Variants in DAB1 observed in about 807,000 individuals in gnomAD.
The protein encoded by DAB1 is DAB adaptor protein 1, also known as disabled homolog 1.
In DAB1, 15 loss-of-function variants were observed where a neutral mutation model predicts 64.6. That is an observed-to-expected ratio of 0.23 (90% CI 0.16 to 0.36). DAB1 has a LOEUF of 0.36. DAB1 is among the 10% of genes least tolerant of loss of function. The pLI is 1.00. For missense variants in DAB1, 596 were observed against 706.7 expected (o/e 0.84, Z 1.78); for synonymous variants, 235 against 251.9 (o/e 0.93, Z 0.64).
At chr1:57,734,341 C>T (rs1647580411) in intron 6 of DAB1, among the ~76,000 whole-genome samples, 1 of 152,174 alleles carries the variant, frequency 6.6e-6, no homozygotes, top group Admixed American at 6.5e-5. Context: ...CTTAGGCAAA[C>T]CTCTTAAGCT....
rs530013726 is a variant in DAB1, at chr1:58,531,957, T to C, written n.33-4622A>G. Among the ~76,000 whole-genome samples the C allele has an allele frequency of 4.8e-4, 73 of 152,196 alleles. 1 individual carries two copies. In the South Asian group the frequency reaches 0.015, roughly 31 times the overall value. On this transcript the variant is annotated intron_variant and non_coding_transcript_variant, in intron 1 of 20. Transcript: ENST00000485760. Reference sequence around the variant, plus strand: ...CTCCTGACCTCATGATCCACCCACCTCAGCCTCCCAAAGTGCTGGGATTAC... The same window carrying C: ...CTCCTGACCTCATGATCCACCCACCCCAGCCTCCCAAAGTGCTGGGATTAC...
At chr1:58,487,090 C>T (rs1050269948) in intron 3 of DAB1, among the ~76,000 whole-genome samples, 12 of 152,132 alleles carry the variant, frequency 7.9e-5, no homozygotes, top group Non-Finnish European at 1.0e-4. Context: ...TGAGGTGAAA[C>T]GTGACATCGT....
At chr1:57,049,539 T>C (rs1254007912) in intron 9 of DAB1, among the ~76,000 whole-genome samples, 1 of 139,118 alleles carries the variant, frequency 7.2e-6, no homozygotes, top group African/African-American at 2.7e-5. Context: ...GGAGACAGGG[T>C]GCTTGGTCCC....
chr1:57,842,761 C>T (rs926922487), intron 1 of DAB1, among the ~76,000 whole-genome samples: 13 of 152,208 alleles, frequency 8.5e-5, no homozygotes, highest in African/African-American at 1.9e-4. Flanking sequence ...CCAATCACCT[C>T]CCACCAGGTC....
intron 4 of DAB1, among the ~76,000 whole-genome samples, chr1:58,180,593 C>G (rs903197413): frequency 6.6e-6 from 1 of 152,004 alleles, no homozygotes; most frequent in Non-Finnish European, 1.5e-5. Flanking sequence ...CTGTGCCTGG[C>G]CTCCTTTATT....
At chr1:58,465,081 G>A (rs1645281217) in intron 3 of DAB1, among the ~76,000 whole-genome samples, 1 of 152,238 alleles carries the variant, frequency 6.6e-6, no homozygotes, top group Admixed American at 6.5e-5. Context: ...GTTATTGGCT[G>A]AGTTGCTGTT....
At chr1:57,694,707 T>C (rs1016997432) in intron 6 of DAB1, among the ~76,000 whole-genome samples, 1 of 152,140 alleles carries the variant, frequency 6.6e-6, no homozygotes, top group African/African-American at 2.4e-5. Flanking sequence ...ATTTTTATTT[T>C]GGGACATTCC....
chr1:57,605,869 T>C, intron 7 of DAB1: 1 of 611,910 alleles, frequency 1.6e-6, no homozygotes, highest in South Asian at 1.5e-5. Context: ...AACGGTGACT[T>C]CCACTTCAAC....
chr1:57,579,012 GA>G (rs1645282422), intron 7 of DAB1, among the ~76,000 whole-genome samples: 1 of 152,086 alleles, frequency 6.6e-6, no homozygotes, highest in Admixed American at 6.5e-5. Context: ...TCCAAATAAA[GA>G]AAAACTAGCA....
intron 3 of DAB1, among the ~76,000 whole-genome samples, chr1:58,370,179 A>G (rs577637017): frequency 1.3e-5 from 2 of 152,340 alleles, no homozygotes; most frequent in African/African-American, 4.8e-5. Context: ...ACGGATTTTT[A>G]AAATTTGGTG....
chr1:57,804,134 C>T (rs1467073950), intron 6 of DAB1, among the ~76,000 whole-genome samples: 2 of 152,156 alleles, frequency 1.3e-5, no homozygotes, highest in Admixed American at 6.5e-5. Flanking sequence ...ATATGTATTA[C>T]AGACATTCCC....
chr1:57,667,516 T>TCTA (rs1381510270), intron 6 of DAB1, among the ~76,000 whole-genome samples: 1 of 152,132 alleles, frequency 6.6e-6, no homozygotes, highest in East Asian at 1.9e-4. Context: ...TTTCTATGTT[T>TCTA]TGTGTACTGC....
At chr1:57,874,598 G>A (rs1031718907) in intron 1 of DAB1, among the ~76,000 whole-genome samples, 2 of 152,220 alleles carry the variant, frequency 1.3e-5, no homozygotes, top group African/African-American at 4.8e-5. Context: ...TCAAACAGAG[G>A]AAGAAACAGC....
At chr1:58,115,104 T>C (rs951603314) in intron 5 of DAB1, among the ~76,000 whole-genome samples, 1 of 138,962 alleles carries the variant, frequency 7.2e-6, no homozygotes, top group African/African-American at 2.8e-5. Flanking sequence ...AAAGGGCTAA[T>C]ATCCAGAATC....
chr1:57,376,848 T>C (rs1680936288), intron 1 of DAB1, among the ~76,000 whole-genome samples: 1 of 152,234 alleles, frequency 6.6e-6, no homozygotes, highest in Admixed American at 6.5e-5. Context: ...AGCATTATCT[T>C]GCTTAATGGT....
At chr1:58,244,887 T>C (rs1289761367) in intron 4 of DAB1, among the ~76,000 whole-genome samples, 1 of 151,858 alleles carries the variant, frequency 6.6e-6, no homozygotes, top group African/African-American at 2.4e-5. Context: ...TAAATGAGAG[T>C]TGTAATTCCA....
At chr1:57,535,501 T>G (rs1644716153) in intron 7 of DAB1, among the ~76,000 whole-genome samples, 1 of 150,750 alleles carries the variant, frequency 6.6e-6, no homozygotes, top group Non-Finnish European at 1.5e-5. Flanking sequence ...GACTGTGTCT[T>G]GCTCTGTCGC....
At chr1:57,184,181 A>G (rs155311) in intron 2 of DAB1, among the ~76,000 whole-genome samples, 4,645 of 152,310 alleles carry the variant, frequency 0.03, 242 homozygotes, top group African/African-American at 0.11. Flanking sequence ...GGGTCTTGGT[A>G]CTAAAGAAGC....
intron 5 of DAB1, among the ~76,000 whole-genome samples, chr1:58,058,841 T>G (rs1331821586): frequency 1.3e-5 from 2 of 152,230 alleles, no homozygotes; most frequent in Non-Finnish European, 2.9e-5. Flanking sequence ...TTCATTGAAC[T>G]ATCTTGCATA....
Sources: allele counts gnomAD v4.1 joint callset (sites outside exome capture counted in the v4.1 genomes callset), GRCh38; gene constraint gnomAD v4.1.1; transcripts MANE v1.5; gene names NCBI Gene and HGNC (gene_info 2026-07-23, HGNC 2026-07-21).